EXT2: variants seen among roughly 807,000 people sequenced by gnomAD.
The protein encoded by EXT2 is exostosin glycosyltransferase 2.
A neutral mutation model predicts 81.6 loss-of-function variants in EXT2; 53 were observed. That is an observed-to-expected ratio of 0.65 (90% CI 0.52 to 0.82). The LOEUF (loss-of-function observed/expected upper bound fraction) is 0.82. Among genes scored for constraint, EXT2 ranks in the 40% least tolerant of loss-of-function variants. The pLI, the probability that EXT2 is intolerant of heterozygous loss-of-function variation, is 0.00. For missense variants in EXT2, 774 were observed against 910.2 expected, an observed-to-expected ratio of 0.85 and a Z score of 1.93; for synonymous variants, 320 against 340.0, an observed-to-expected ratio of 0.94 and a Z score of 0.65.
intron 4 of EXT2, among the ~76,000 whole-genome samples, chr11:44,121,099 T>C (rs1954309296): frequency 6.6e-6 from 1 of 152,122 alleles, no homozygotes; most frequent in African/African-American, 2.4e-5. Flanking sequence ...CTTGTTCACA[T>C]TGGGTGGGGA....
chr11:44,236,977 T>C (rs553310569), intron 13 of EXT2, among the ~76,000 whole-genome samples: 2 of 152,316 alleles, frequency 1.3e-5, no homozygotes, highest in South Asian at 4.1e-4. Flanking sequence ...GGGAGATGTA[T>C]GTCTTCCGTT....
intron 8 of EXT2, among the ~76,000 whole-genome samples, chr11:44,185,293 C>G (rs1381247347): frequency 6.6e-6 from 1 of 152,220 alleles, no homozygotes; most frequent in East Asian, 1.9e-4. Context: ...GTTCAGCTTT[C>G]ATTTGCAGTT....
chr11:44,147,125 C>T (rs572830433), intron 7 of EXT2, among the ~76,000 whole-genome samples: 1 of 152,344 alleles, frequency 6.6e-6, no homozygotes, highest in Admixed American at 6.5e-5. Context: ...GCTAGATCAA[C>T]CCGCCCCAGC....
intron 10 of EXT2, among the ~76,000 whole-genome samples, chr11:44,224,484 G>A (rs547816355): frequency 1.3e-5 from 2 of 152,040 alleles, no homozygotes; most frequent in South Asian, 4.2e-4. Context: ...TTTATTATAA[G>A]TGACCCCAAA....
At chr11:44,149,581 A>G (rs1954765903) in intron 7 of EXT2, among the ~76,000 whole-genome samples, 1 of 152,190 alleles carries the variant, frequency 6.6e-6, no homozygotes, top group African/African-American at 2.4e-5. Context: ...GTGAACTTAC[A>G]TGAGTACACT....
chr11:44,156,697 C>T (rs1333266927), intron 7 of EXT2, among the ~76,000 whole-genome samples: 3 of 152,226 alleles, frequency 2.0e-5, no homozygotes, highest in East Asian at 3.8e-4. Context: ...TCACATGTCT[C>T]TGTCACTCCA....
At chr11:44,141,592 T>C in intron 7 of EXT2, among the ~76,000 whole-genome samples, 1 of 152,236 alleles carries the variant, frequency 6.6e-6, no homozygotes. Context: ...TTTAAGTATG[T>C]TGAAAGTTGT....
intron 8 of EXT2, among the ~76,000 whole-genome samples, chr11:44,174,785 A>T (rs758445222): frequency 5.9e-5 from 9 of 152,226 alleles, no homozygotes; most frequent in Non-Finnish European, 7.3e-5. Context: ...ATGTTAAAAG[A>T]AAAGGGTAGG....
chr11:44,216,194 G>A (rs1955717527), intron 10 of EXT2, among the ~76,000 whole-genome samples: 1 of 152,116 alleles, frequency 6.6e-6, no homozygotes, highest in Non-Finnish European at 1.5e-5. Context: ...GAATTTTTAA[G>A]AGAAGGAAGC....
At chr11:44,227,585 C>T (rs1955851674) in intron 10 of EXT2, among the ~76,000 whole-genome samples, 1 of 152,214 alleles carries the variant, frequency 6.6e-6, no homozygotes, top group Non-Finnish European at 1.5e-5. Context: ...GGATGTGAGA[C>T]TCAATCTAGG....
At chr11:44,136,115 A>G (rs984756326) in intron 7 of EXT2, among the ~76,000 whole-genome samples, 2 of 152,122 alleles carry the variant, frequency 1.3e-5, no homozygotes, top group Non-Finnish European at 2.9e-5. Flanking sequence ...AAAAGTGTAA[A>G]CCCTCAGATG....
In EXT2 at chr11:44,246,900, C is replaced by T. The variant is rs556374266; in HGVS notation, c.*2613C>T. Among the ~76,000 whole-genome samples the T allele has an allele frequency of 6.6e-6, 1 of 152,326 alleles. No individual in the cohort carries two copies. The highest frequency in any genetic ancestry group is 1.9e-4 in the East Asian group (1 of 5,184). Reference sequence around the variant, plus strand: ...ATGTCGTGTTCTGGCCTACAGCAGACAACAGCTGGTTTTAGATTAAGAAAT... The same window carrying T: ...ATGTCGTGTTCTGGCCTACAGCAGATAACAGCTGGTTTTAGATTAAGAAAT... On this transcript the variant is annotated 3_prime_UTR_variant, in exon 14 of 14. Coordinates refer to ENST00000533608, the MANE Select transcript of EXT2 (RefSeq NM_207122.2).
rs147859258 is a variant in EXT2 at position 44,175,792 on chromosome 11, G to A, written c.1305+4050G>A. 1.9e-3 allele frequency among the ~76,000 whole-genome samples: 290 copies of A among 152,316 alleles called. 2 individuals carry two copies. The highest frequency in any genetic ancestry group is 6.4e-3 in the African/African-American group (267 of 41,568). On this transcript the variant is annotated intron_variant, in intron 8 of 13. Transcript: ENST00000533608. Reference sequence around the variant, plus strand: ...ACATATAAAGGAAAGAAAGAGGGATGGAGAGAGGGAGAAAGGGAAGGAAGG... The same window carrying A: ...ACATATAAAGGAAAGAAAGAGGGATAGAGAGAGGGAGAAAGGGAAGGAAGG...
chr11:44,189,787 T>C (rs1003071098), intron 8 of EXT2, among the ~76,000 whole-genome samples: 1 of 152,238 alleles, frequency 6.6e-6, no homozygotes, highest in Non-Finnish European at 1.5e-5. Flanking sequence ...AATAGACATG[T>C]GCATCAGGTA....
At chr11:44,212,298 TATAAATAAATAA>T (rs55649714) in intron 10 of EXT2, among the ~76,000 whole-genome samples, 1,524 of 80,636 alleles carry the variant, frequency 0.019, 29 homozygotes, top group Middle Eastern at 0.062. Context: ...AAAATAAAAA[TATAAATAAATAA>T]ATAAATAAAT....
chr11:44,177,645 A>G (rs1955177284), intron 8 of EXT2, among the ~76,000 whole-genome samples: 1 of 151,962 alleles, frequency 6.6e-6, no homozygotes, highest in Non-Finnish European at 1.5e-5. Flanking sequence ...TTCCCATGTT[A>G]TTTTTCTATG....
chr11:44,136,843 A>G (rs946206835), intron 7 of EXT2, among the ~76,000 whole-genome samples: 1 of 152,142 alleles, frequency 6.6e-6, no homozygotes, highest in Admixed American at 6.5e-5. Flanking sequence ...TCCCTTAAAC[A>G]GTGCACATTG....
chr11:44,212,387 A>C (rs553911270), intron 10 of EXT2, among the ~76,000 whole-genome samples: 2 of 152,026 alleles, frequency 1.3e-5, no homozygotes, highest in East Asian at 3.9e-4. Context: ...ACACAAAAAA[A>C]GTCCTCAACA....
At chr11:44,098,105 T>C (rs1233703338) in intron 1 of EXT2, among the ~76,000 whole-genome samples, 5 of 152,224 alleles carry the variant, frequency 3.3e-5, no homozygotes, top group Non-Finnish European at 5.9e-5. Flanking sequence ...TGGTATTGTA[T>C]GGAATAAACC....
Sources: allele counts gnomAD v4.1 joint callset (sites outside exome capture counted in the v4.1 genomes callset), GRCh38; gene constraint gnomAD v4.1.1; transcripts MANE v1.5; gene names NCBI Gene and HGNC (gene_info 2026-07-23, HGNC 2026-07-21).